TFEC: variants seen among roughly 807,000 people sequenced by gnomAD.
The protein encoded by TFEC is class E basic helix-loop-helix protein 34.
TFEC carries 31 observed loss-of-function variants against 41.6 expected under a neutral mutation model. The ratio of observed to expected loss-of-function variants is 0.74; its 90% CI spans 0.56 to 1.01. The LOEUF is 1.01. Among genes scored for constraint, TFEC ranks in the 50% least tolerant of loss-of-function variants. The pLI is 0.00. For missense variants in TFEC, 402 were observed against 404.1 expected (o/e 0.99, Z 0.04); for synonymous variants, 143 against 140.6 (o/e 1.02, Z -0.12).
At chr7:116,036,679 C>T (rs2130909573) in intron 3 of TFEC, among the ~76,000 whole-genome samples, 1 of 152,136 alleles carries the variant, frequency 6.6e-6, no homozygotes, top group African/African-American at 2.4e-5. Context: ...CTAAACACTC[C>T]TAGCCTTTAC....
rs1471957856 is a variant in TFEC at position 115,982,218 on chromosome 7, C to A, written c.180+2044G>T. ...GAAAAGGCTTGGGAGAAAAAAAAAA[C>A]AAAAAAAAACAAAAGATGGCAACAG... On this transcript the variant is annotated intron_variant, in intron 2 of 7. Coordinates refer to ENST00000265440, the MANE Select transcript of TFEC (RefSeq NM_012252.4). 1.6e-4 allele frequency among the ~76,000 whole-genome samples: 24 copies of A among 147,822 alleles called. No homozygotes were observed. In the South Asian group the frequency reaches 3.2e-3, roughly 20 times the overall value.
chr7:115,967,868 A>T (rs1204057863), intron 3 of TFEC, among the ~76,000 whole-genome samples: 1 of 151,872 alleles, frequency 6.6e-6, no homozygotes, highest in African/African-American at 2.4e-5. Context: ...AGTAATAAAT[A>T]AAAACAATTA....
At chr7:116,013,717 C>T (rs563353337) in intron 1 of TFEC, among the ~76,000 whole-genome samples, 1 of 151,998 alleles carries the variant, frequency 6.6e-6, no homozygotes, top group African/African-American at 2.4e-5. Context: ...AATTTAAATC[C>T]AGTCCTCATT....
intron 3 of TFEC, among the ~76,000 whole-genome samples, chr7:116,103,357 T>A (rs1797646374): frequency 6.6e-6 from 1 of 152,172 alleles, no homozygotes; most frequent in South Asian, 2.1e-4. Context: ...AGCTGCTGCT[T>A]ACACAGGATT....
chr7:116,065,222 A>G (rs1489825086), intron 3 of TFEC, among the ~76,000 whole-genome samples: 3 of 152,158 alleles, frequency 2.0e-5, no homozygotes, highest in African/African-American at 7.2e-5. Context: ...AACAGTCAAC[A>G]TGCCCCAGCC....
At chr7:115,977,515 A>T (rs866059059) in intron 2 of TFEC, among the ~76,000 whole-genome samples, 1 of 152,060 alleles carries the variant, frequency 6.6e-6, no homozygotes, top group Admixed American at 6.6e-5. Flanking sequence ...GTATCTTTTA[A>T]GTATGTGGAT....
chr7:116,016,080 C>T (rs1351904822), intron 1 of TFEC, among the ~76,000 whole-genome samples: 1 of 152,132 alleles, frequency 6.6e-6, no homozygotes, highest in African/African-American at 2.4e-5. Flanking sequence ...AAAAGTATTA[C>T]ACAAGGAAAG....
chr7:115,974,090 C>G, intron 3 of TFEC, 80 bp downstream of exon 3: 2 of 1,140,626 alleles, frequency 1.8e-6, no homozygotes, highest in Non-Finnish European at 2.5e-6. Context: ...AAAAAAGCAC[C>G]AGTTGCTAAT....
At chr7:116,153,443 C>T (rs1468161033) in intron 1 of TFEC, among the ~76,000 whole-genome samples, 1 of 152,036 alleles carries the variant, frequency 6.6e-6, no homozygotes, top group Admixed American at 6.6e-5. Context: ...TTAGTAGAGA[C>T]GGGTTTTTAC....
chr7:116,118,742 T>C lies in TFEC; in HGVS notation c.-68-6704A>G, dbSNP rs556095239. ...GAAAGAGAAACGTGCAAAGATACAG[T>C]AGGAGATATTTAATTTAGAGATTAA... On this transcript the variant is annotated intron_variant, in intron 1 of 8. Transcript: ENST00000484212. Among the ~76,000 whole-genome samples the C allele has an allele frequency of 2.6e-5, 4 of 151,836 alleles. No homozygotes were observed. In the South Asian group the frequency reaches 6.2e-4, roughly 24 times the overall value.
At position 115,977,528 on chromosome 7, in the gene TFEC, A is replaced by G. The variant is rs1258458368; in HGVS notation, c.181-3272T>C. On this transcript the variant is annotated intron_variant, in intron 2 of 7. Transcript: ENST00000265440. ...AAGTATCTTTTAAGTATGTGGATGA[A>G]ATTAAATTCTTTTTGGATATAAAAA... 2.0e-5 allele frequency among the ~76,000 whole-genome samples: 3 copies of G among 151,956 alleles called. No individual in the cohort carries two copies. In the East Asian group the frequency reaches 5.8e-4, roughly 29 times the overall value.
At chr7:115,942,789 T>A (rs1321798730) in intron 6 of TFEC, among the ~76,000 whole-genome samples, 1 of 152,020 alleles carries the variant, frequency 6.6e-6, no homozygotes, top group Non-Finnish European at 1.5e-5. Flanking sequence ...ATTAAAGATA[T>A]GAAATTGTGG....
At chr7:116,091,786 A>G (rs578257394) in intron 3 of TFEC, among the ~76,000 whole-genome samples, 107 of 152,262 alleles carry the variant, frequency 7.0e-4, no homozygotes, top group African/African-American at 2.4e-3. Flanking sequence ...CTTTTTATAA[A>G]CATGTGCTTA....
intron 3 of TFEC, among the ~76,000 whole-genome samples, chr7:116,072,963 G>A (rs1206190269): frequency 6.6e-6 from 1 of 151,250 alleles, no homozygotes; most frequent in Non-Finnish European, 1.5e-5. Context: ...GGTCCAGAGA[G>A]TGCAATTAAA....
rs373553111 is a variant in TFEC, at chr7:115,977,638, TACAAA to T, written c.181-3387_181-3383del. On this transcript the variant is annotated intron_variant, in intron 2 of 7. Transcript: ENST00000265440. ...AAGATAAATAAAACCATGAAACTGA[TACAAA>T]ACAAAAGAATGAGTAAAGAACAGTA... Among the ~76,000 whole-genome samples the T allele has an allele frequency of 3.0e-3, 459 of 152,046 alleles. 5 individuals carry two copies. Among genetic ancestry groups the T allele is most frequent in the African/African-American group, 0.011 (443 of 41,538 alleles).
chr7:116,037,310 C>A (rs892683098), intron 3 of TFEC, among the ~76,000 whole-genome samples: 2 of 151,980 alleles, frequency 1.3e-5, no homozygotes, highest in Non-Finnish European at 2.9e-5. Context: ...TCTGTTAAAT[C>A]TGAAGAAACT....
At chr7:116,128,278 G>A (rs1798256259) in intron 1 of TFEC, among the ~76,000 whole-genome samples, 2 of 152,116 alleles carry the variant, frequency 1.3e-5, no homozygotes, top group Admixed American at 1.3e-4. Flanking sequence ...TAGAATAATT[G>A]AGACTTTTCA....
intron 1 of TFEC, among the ~76,000 whole-genome samples, chr7:115,998,684 T>G (rs1417708642): frequency 6.6e-6 from 1 of 151,962 alleles, no homozygotes; most frequent in East Asian, 1.9e-4. Flanking sequence ...GTCATTATAC[T>G]AATAATAGAT....
rs1793433937 is a variant in TFEC, at chr7:115,940,540, CTGTT to C, written c.*7_*10del. On this transcript the variant is annotated 3_prime_UTR_variant, in exon 8 of 8. Transcript: ENST00000265440. ...TTGCTTTCCAGTTGATGAATTGGGT[CTGTT>C]TATTTCTTATAATTCATCACCATCA... 1 of 1,589,802 alleles carries C rather than the reference CTGTT, an allele frequency of 6.3e-7. No individual in the cohort carries two copies. Among genetic ancestry groups the C allele is most frequent in the Admixed American group, 1.7e-5 (1 of 57,958 alleles).
Sources: gnomAD v4.1 joint callset for allele counts (sites outside exome capture counted in the v4.1 genomes callset) on GRCh38, gnomAD v4.1.1 for gene constraint, MANE v1.5 for transcripts, NCBI Gene and HGNC (gene_info 2026-07-23, HGNC 2026-07-21) for gene names.